The following CPNE4 variants were observed in gnomAD, a reference collection of about 807,000 sequenced individuals.
The protein encoded by CPNE4 is copine-4.
In CPNE4, 25 loss-of-function variants were observed where a neutral mutation model predicts 67.9. That is an observed-to-expected ratio of 0.37 (90% CI 0.27 to 0.51). The LOEUF (loss-of-function observed/expected upper bound fraction) is 0.51. Ranked by LOEUF, CPNE4 falls within the 20% of genes least tolerant of loss-of-function variation. The pLI is 0.93. For synonymous variants in CPNE4, 242 were observed against 244.9 expected, an observed-to-expected ratio of 0.99 and a Z score of 0.11; for missense variants, 464 against 690.8, an observed-to-expected ratio of 0.67 and a Z score of 3.68.
intron 2 of CPNE4, among the ~76,000 whole-genome samples, chr3:131,844,904 C>A (rs542960922): frequency 6.6e-6 from 1 of 152,178 alleles, no homozygotes; most frequent in Non-Finnish European, 1.5e-5. Flanking sequence ...ATGTACACTA[C>A]GCAAGATAAT....
At chr3:131,837,302 G>A (rs1260014391) in intron 2 of CPNE4, among the ~76,000 whole-genome samples, 3 of 152,090 alleles carry the variant, frequency 2.0e-5, no homozygotes, top group East Asian at 3.8e-4. Context: ...CAGTACAAAT[G>A]TCCTGTACCA....
chr3:131,978,786 G>A (rs2072823907), intron 1 of CPNE4, among the ~76,000 whole-genome samples: 1 of 150,824 alleles, frequency 6.6e-6, no homozygotes, highest in Non-Finnish European at 1.5e-5. Context: ...TGACCTTACA[G>A]TGTCGGTCTG....
intron 1 of CPNE4, among the ~76,000 whole-genome samples, chr3:132,027,956 C>T (rs549443011): frequency 6.6e-6 from 1 of 152,228 alleles, no homozygotes; most frequent in Admixed American, 6.5e-5. Context: ...GTTTCAGACC[C>T]ATCACTTAAT....
At chr3:131,962,739 A>C (rs1003952405) in intron 1 of CPNE4, among the ~76,000 whole-genome samples, 1 of 152,014 alleles carries the variant, frequency 6.6e-6, no homozygotes, top group Non-Finnish European at 1.5e-5. Context: ...CAGTTAAAAA[A>C]AAAATCCAGT....
chr3:131,817,426 G>A (rs2084787623), intron 2 of CPNE4, among the ~76,000 whole-genome samples: 1 of 152,204 alleles, frequency 6.6e-6, no homozygotes, highest in African/African-American at 2.4e-5. Flanking sequence ...GGAAGTCTAT[G>A]TGGCTCAAAT....
intron 3 of CPNE4, among the ~76,000 whole-genome samples, chr3:131,700,528 C>T (rs1413687587): frequency 1.3e-5 from 2 of 152,174 alleles, no homozygotes; most frequent in East Asian, 3.9e-4. Flanking sequence ...AATGCCAATG[C>T]ACCTGCGCAA....
chr3:131,983,717 C>T (rs2072968134), intron 1 of CPNE4, among the ~76,000 whole-genome samples: 1 of 152,094 alleles, frequency 6.6e-6, no homozygotes. Flanking sequence ...GATGATTTTC[C>T]TTAATGTCTG....
chr3:131,889,493 A>G (rs1357618949), intron 2 of CPNE4, among the ~76,000 whole-genome samples: 1 of 152,226 alleles, frequency 6.6e-6, no homozygotes, highest in Non-Finnish European at 1.5e-5. Flanking sequence ...AACTAATTTC[A>G]GGTTGAATGA....
chr3:131,928,520 T>C (rs1415996918), intron 1 of CPNE4, among the ~76,000 whole-genome samples: 1 of 152,132 alleles, frequency 6.6e-6, no homozygotes, highest in East Asian at 1.9e-4. Flanking sequence ...CACCCATCTG[T>C]TACAAACAGG....
chr3:131,723,679 C>T (rs980577397), intron 2 of CPNE4, 54 bp from the exon 3 acceptor site: 13 of 1,487,312 alleles, frequency 8.7e-6, no homozygotes, highest in African/African-American at 2.8e-5. Flanking sequence ...TTATTATTAC[C>T]GTTCAAGAAA....
chr3:131,628,484 CCTT>C (rs1159706026), intron 7 of CPNE4, among the ~76,000 whole-genome samples: 3 of 152,286 alleles, frequency 2.0e-5, no homozygotes, highest in Admixed American at 6.5e-5. Flanking sequence ...ACCAGCTCCT[CCTT>C]GTACCTCTGG....
At chr3:131,755,991 C>T (rs926593386) in intron 2 of CPNE4, among the ~76,000 whole-genome samples, 1 of 152,104 alleles carries the variant, frequency 6.6e-6, no homozygotes, top group African/African-American at 2.4e-5. Context: ...TTTAATTTCT[C>T]CTGATCCATT....
chr3:131,872,804 G>A (rs1028193374), intron 2 of CPNE4, among the ~76,000 whole-genome samples: 3 of 152,156 alleles, frequency 2.0e-5, no homozygotes, highest in Non-Finnish European at 4.4e-5. Context: ...AAGATATTCT[G>A]GGAAACACCT....
chr3:131,785,484 C>T (rs1042217764), intron 2 of CPNE4, among the ~76,000 whole-genome samples: 1 of 152,072 alleles, frequency 6.6e-6, no homozygotes, highest in Non-Finnish European at 1.5e-5. Context: ...CCATGGCTCC[C>T]CCAATCTCCA....
chr3:131,555,615 G>GA (rs1419066635), intron 11 of CPNE4, 64 bp from the exon 12 acceptor site: 73 of 1,411,728 alleles, frequency 5.2e-5, no homozygotes, highest in Non-Finnish European at 7.1e-5. Context: ...TAATGAGAAA[G>GA]AAAAACATTA....
intron 1 of CPNE4, among the ~76,000 whole-genome samples, chr3:131,977,868 T>A (rs1018606162): frequency 1.3e-5 from 2 of 151,034 alleles, no homozygotes; most frequent in Non-Finnish European, 2.9e-5. Context: ...AAGTCCACTG[T>A]GTCATTCTTA....
chr3:131,951,251 GTGT>G (rs2071711969), intron 1 of CPNE4, among the ~76,000 whole-genome samples: 1 of 152,106 alleles, frequency 6.6e-6, no homozygotes, highest in Admixed American at 6.5e-5. Flanking sequence ...TATAAAGATT[GTGT>G]TATTATAATT....
chr3:131,772,840 G>T (rs2107836467), intron 2 of CPNE4, among the ~76,000 whole-genome samples: 1 of 152,276 alleles, frequency 6.6e-6, no homozygotes, highest in Non-Finnish European at 1.5e-5. Flanking sequence ...GCTGCCCAGT[G>T]AGCCCTGTTT....
intron 2 of CPNE4, among the ~76,000 whole-genome samples, chr3:131,879,873 T>A (rs1444108241): frequency 6.6e-6 from 1 of 152,180 alleles, no homozygotes; most frequent in Non-Finnish European, 1.5e-5. Context: ...CTCTACCTTA[T>A]ATACCTGGCA....
Sources: gnomAD v4.1 joint callset for allele counts (sites outside exome capture counted in the v4.1 genomes callset) on GRCh38, gnomAD v4.1.1 for gene constraint, MANE v1.5 for transcripts, NCBI Gene and HGNC (gene_info 2026-07-23, HGNC 2026-07-21) for gene names.